The following ANK2 variants were observed in gnomAD, a reference collection of about 807,000 sequenced individuals.
The protein encoded by ANK2 is ankyrin-2.
A neutral mutation model predicts 360.5 loss-of-function variants in ANK2; 83 were observed. That is an observed-to-expected ratio of 0.23 (90% CI 0.19 to 0.28). ANK2 has a LOEUF of 0.28. Among genes scored for constraint, ANK2 ranks in the 10% least tolerant of loss-of-function variants. ANK2 has a pLI of 1.00. For missense variants in ANK2, 4,201 were observed against 4,795.7 expected (o/e 0.88, Z 3.66); for synonymous variants, 1,740 against 1,759.5 (o/e 0.99, Z 0.28).
At chr4:113,248,074 A>G (rs970657245) in intron 9 of ANK2, among the ~76,000 whole-genome samples, 1 of 152,220 alleles carries the variant, frequency 6.6e-6, no homozygotes, top group Non-Finnish European at 1.5e-5. Flanking sequence ...CAATCTTTTC[A>G]TGCTAATTCT....
At chr4:113,066,032 A>G (rs1375628561) in intron 1 of ANK2, among the ~76,000 whole-genome samples, 1 of 152,226 alleles carries the variant, frequency 6.6e-6, no homozygotes, top group East Asian at 1.9e-4. Context: ...AACTAAAACA[A>G]AAAAAGTAGT....
chr4:112,809,509 C>G, the ANK2 span, among the ~76,000 whole-genome samples: 1 of 144,184 alleles, frequency 6.9e-6, no homozygotes, highest in Non-Finnish European at 1.5e-5. Context: ...TGCAGTGAGC[C>G]GAGATCTCGC....
At chr4:112,725,155 G>A in the ANK2 span, among the ~76,000 whole-genome samples, 11 of 151,108 alleles carry the variant, frequency 7.3e-5, no homozygotes, top group East Asian at 8.0e-4. Flanking sequence ...GGTGGCGGGC[G>A]CCTGTAGTTC....
In ANK2 at chr4:112,934,126, GA is replaced by G. The variant is rs562697206; in HGVS notation, c.21+29613del. Among the ~76,000 whole-genome samples, 476 of 152,262 alleles carry G rather than the reference GA, an allele frequency of 3.1e-3. 1 individual carries two copies. Among genetic ancestry groups the G allele is most frequent in the Non-Finnish European group, 5.0e-3 (338 of 68,010 alleles). ...GAAAATTCACCTAGTGTAGTTTCGGGAGACAGAATTGTGACCAATTTATGAG... is the reference window on the plus strand; with the variant it reads ...GAAAATTCACCTAGTGTAGTTTCGGGGACAGAATTGTGACCAATTTATGAG... On this transcript the variant is annotated intron_variant, in intron 2 of 30. Coordinates refer to the ANK2 transcript ENST00000503271.
At chr4:113,179,200 A>G (rs1318186852) in intron 2 of ANK2, among the ~76,000 whole-genome samples, 1 of 152,220 alleles carries the variant, frequency 6.6e-6, no homozygotes, top group South Asian at 2.1e-4. Context: ...GGCATATGAA[A>G]GAAGAAAAGA....
the ANK2 span, among the ~76,000 whole-genome samples, chr4:112,800,387 A>T: frequency 1.3e-5 from 2 of 152,158 alleles, no homozygotes; most frequent in Non-Finnish European, 2.9e-5. Context: ...ATATAGTACA[A>T]ATCTAGCGTG....
At chr4:113,290,657 G>A (rs29351) in intron 20 of ANK2, among the ~76,000 whole-genome samples, 113,828 of 151,962 alleles carry the variant, frequency 0.75, 42,967 homozygotes, top group African/African-American at 0.83. Flanking sequence ...CAAACAAACA[G>A]AATGAAAACA....
intron 4 of ANK2, among the ~76,000 whole-genome samples, chr4:113,207,920 G>A (rs567456779): frequency 3.3e-5 from 5 of 152,196 alleles, no homozygotes; most frequent in South Asian, 2.1e-4. Context: ...GTGTTAATGC[G>A]CACATCAGCG....
At chr4:113,161,302 A>C (rs1210326458) in intron 1 of ANK2, among the ~76,000 whole-genome samples, 1 of 152,204 alleles carries the variant, frequency 6.6e-6, no homozygotes, top group Admixed American at 6.5e-5. Flanking sequence ...TTCCAACAGA[A>C]GAATTTTGCA....
intron 2 of ANK2, among the ~76,000 whole-genome samples, chr4:113,182,390 A>G (rs1338598825): frequency 6.6e-6 from 1 of 152,210 alleles, no homozygotes; most frequent in South Asian, 2.1e-4. Flanking sequence ...CCTGAAGTGT[A>G]CATTTTGGCA....
intron 4 of ANK2, among the ~76,000 whole-genome samples, chr4:113,200,611 G>A (rs1452160749): frequency 6.6e-6 from 1 of 152,092 alleles, no homozygotes; most frequent in African/African-American, 2.4e-5. Flanking sequence ...ATTTCATGTA[G>A]GATAATGGCC....
intron 1 of ANK2, among the ~76,000 whole-genome samples, chr4:113,129,574 T>C (rs558755202): frequency 6.6e-6 from 1 of 152,338 alleles, no homozygotes; most frequent in East Asian, 1.9e-4. Flanking sequence ...AAGTTTTACA[T>C]AAATTATTAT....
intron 14 of ANK2, among the ~76,000 whole-genome samples, chr4:113,270,570 TTTTG>T (rs1319325920): frequency 2.0e-5 from 3 of 152,198 alleles, no homozygotes; most frequent in Non-Finnish European, 4.4e-5. Context: ...AGATGTTATC[TTTTG>T]TTTATTTTTT....
At chr4:113,329,971 T>C (rs915883957) in intron 26 of ANK2, among the ~76,000 whole-genome samples, 1 of 152,242 alleles carries the variant, frequency 6.6e-6, no homozygotes, top group African/African-American at 2.4e-5. Flanking sequence ...GGCTTATTTT[T>C]AATTTACAGT....
intron 10 of ANK2, 74 bp from the exon 11 acceptor site, chr4:113,255,661 A>G (rs1256846290): frequency 6.7e-7 from 1 of 1,494,856 alleles, no homozygotes; most frequent in Non-Finnish European, 9.3e-7. Context: ...TCAAGAATCA[A>G]CTTTGCTGTA....
At chr4:113,109,012 G>A (rs180965365) in intron 1 of ANK2, among the ~76,000 whole-genome samples, 38 of 151,926 alleles carry the variant, frequency 2.5e-4, no homozygotes, top group Non-Finnish European at 4.3e-4. Context: ...CTGAAGTCCC[G>A]TAGTACATAT....
intron 1 of ANK2, among the ~76,000 whole-genome samples, chr4:113,109,993 A>C (rs2094116084): frequency 6.6e-6 from 1 of 152,202 alleles, no homozygotes; most frequent in Non-Finnish European, 1.5e-5. Flanking sequence ...TTTATGGAAT[A>C]TGAGTTTGCA....
chr4:113,333,780 A>T (rs2153948007), intron 29 of ANK2, among the ~76,000 whole-genome samples: 1 of 152,322 alleles, frequency 6.6e-6, no homozygotes, highest in Admixed American at 6.5e-5. Context: ...GGAGTTAGCC[A>T]GGGTTGAATT....
chr4:112,878,011 G>A (rs2075621635), intron 1 of ANK2, among the ~76,000 whole-genome samples: 1 of 152,116 alleles, frequency 6.6e-6, no homozygotes, highest in East Asian at 1.9e-4. Flanking sequence ...GATTCTCAGG[G>A]TCCTGACTAT....
Sources: allele counts gnomAD v4.1 joint callset (sites outside exome capture counted in the v4.1 genomes callset), GRCh38; gene constraint gnomAD v4.1.1; transcripts MANE v1.5; gene names NCBI Gene and HGNC (gene_info 2026-07-23, HGNC 2026-07-21).